Variants in FRAS1 observed in about 807,000 individuals in gnomAD.
The protein encoded by FRAS1 is extracellular matrix organizing protein FRAS1.
Under a neutral mutation model 435.2 loss-of-function variants are expected in FRAS1, and 290 were observed. The observed-to-expected ratio is 0.67, with a 90% confidence interval of 0.61 to 0.73. The LOEUF (loss-of-function observed/expected upper bound fraction) is 0.73. Ranked by LOEUF, FRAS1 falls within the 30% of genes least tolerant of loss-of-function variation. FRAS1 has a pLI of 0.00. For synonymous variants in FRAS1, 1,800 were observed against 1,851.0 expected, an observed-to-expected ratio of 0.97 and a Z score of 0.71; for missense variants, 4,860 against 5,001.5, an observed-to-expected ratio of 0.97 and a Z score of 0.85.
At chr4:78,460,556 A>G (rs1012263232) in intron 47 of FRAS1, among the ~76,000 whole-genome samples, 1 of 152,232 alleles carries the variant, frequency 6.6e-6, no homozygotes, top group African/African-American at 2.4e-5. Context: ...AAATATAGTC[A>G]TGTATTGCGT....
intron 2 of FRAS1, among the ~76,000 whole-genome samples, chr4:78,075,836 T>G (rs1400110536): frequency 6.6e-6 from 1 of 152,160 alleles, no homozygotes; most frequent in Non-Finnish European, 1.5e-5. Flanking sequence ...GAAAGGCTCT[T>G]AGGATATAGG....
At chr4:78,507,311 A>G in intron 61 of FRAS1, 110 bp from the exon 62 acceptor site, 1 of 986,314 alleles carries the variant, frequency 1.0e-6, no homozygotes, top group Non-Finnish European at 1.4e-6. Context: ...AACACCACTA[A>G]AAAGAAAGAA....
chr4:78,476,999 A>C (rs546533962), intron 54 of FRAS1, among the ~76,000 whole-genome samples: 6 of 152,024 alleles, frequency 3.9e-5, no homozygotes, highest in South Asian at 2.1e-4. Context: ...TAAAAAAAAA[A>C]AAAAACAAAG....
chr4:78,386,870 A>T (rs1159364588), intron 28 of FRAS1, among the ~76,000 whole-genome samples: 1 of 152,184 alleles, frequency 6.6e-6, no homozygotes, highest in East Asian at 1.9e-4. Context: ...CACACTTTAT[A>T]ACCTGAGTTG....
At chr4:78,376,519 AATTT>A (rs1481272585) in intron 26 of FRAS1, among the ~76,000 whole-genome samples, 1 of 152,188 alleles carries the variant, frequency 6.6e-6, no homozygotes, top group African/African-American at 2.4e-5. Context: ...ATTTACATAT[AATTT>A]ATTTATATTT....
At chr4:78,517,811 G>T (rs906435728) in intron 66 of FRAS1, among the ~76,000 whole-genome samples, 7 of 152,120 alleles carry the variant, frequency 4.6e-5, no homozygotes, top group African/African-American at 1.4e-4. Flanking sequence ...AAAAACAAAT[G>T]AGGAAAAATT....
chr4:78,537,923 G>C (rs1000769407), intron 72 of FRAS1, among the ~76,000 whole-genome samples: 1 of 148,470 alleles, frequency 6.7e-6, no homozygotes, highest in African/African-American at 2.5e-5. Context: ...TCCAGCCTGG[G>C]CAACAGAGCA....
intron 22 of FRAS1, among the ~76,000 whole-genome samples, chr4:78,368,970 T>C (rs1243411966): frequency 1.3e-5 from 2 of 152,172 alleles, no homozygotes; most frequent in African/African-American, 4.8e-5. Context: ...CTGAGCTGTA[T>C]GAATTTTAAA....
intron 34 of FRAS1, 38 bp downstream of exon 34, chr4:78,422,038 T>C: frequency 6.4e-7 from 1 of 1,571,676 alleles, no homozygotes; most frequent in Non-Finnish European, 8.6e-7. Flanking sequence ...ACCCAACTGC[T>C]CTCTGTGGCT....
chr4:78,378,668 C>G (rs1439661739), intron 26 of FRAS1, among the ~76,000 whole-genome samples: 1 of 152,094 alleles, frequency 6.6e-6, no homozygotes, highest in East Asian at 1.9e-4. Flanking sequence ...TTTTGTGTAT[C>G]TTCTTTGAAG....
intron 61 of FRAS1, 94 bp from the exon 62 acceptor site, chr4:78,507,327 T>G: frequency 9.3e-7 from 1 of 1,077,412 alleles, no homozygotes; most frequent in Admixed American, 3.1e-5. Flanking sequence ...AAGAACATAT[T>G]TTAACATAAT....
At chr4:78,363,688 A>T (rs1324818442) in intron 21 of FRAS1, 23 bp downstream of exon 21, 1 of 1,563,682 alleles carries the variant, frequency 6.4e-7, no homozygotes, top group South Asian at 1.2e-5. Flanking sequence ...TGGACTCAGG[A>T]GCTGGAGCTG....
chr4:78,477,876 T>G lies in FRAS1; in HGVS notation c.7913T>G (p.Val2638Gly), dbSNP rs754435894. Residue 2638 changes from valine to glycine, a missense_variant, in exon 55 of 74, where the codon GTG (valine) becomes GGG (glycine). Transcript: ENST00000512123. ...SCTIVINDDD[V>G]FENVESFTVE... is the part of the protein sequence containing the mutation. ...ACCATTGTCATCAACGATGATGACG[T>G]GTTTGAAAATGTTGAGAGTTTCACT... is the stretch of plus-strand genomic sequence containing the variant. The G allele has an allele frequency of 6.2e-7, 1 of 1,613,548 alleles. No individual in the cohort carries two copies. The highest frequency in any genetic ancestry group is 2.2e-5 in the East Asian group (1 of 44,822).
At chr4:78,517,612 C>T (rs1398634871) in intron 66 of FRAS1, among the ~76,000 whole-genome samples, 2 of 152,210 alleles carry the variant, frequency 1.3e-5, no homozygotes, top group African/African-American at 4.8e-5. Context: ...CTTTTGCTGT[C>T]AATCAACAGG....
intron 69 of FRAS1, among the ~76,000 whole-genome samples, chr4:78,525,048 C>T (rs1003334286): frequency 3.3e-5 from 5 of 152,080 alleles, no homozygotes; most frequent in South Asian, 2.1e-4. Context: ...GCCCATATGG[C>T]TGGCATGGAG....
intron 3 of FRAS1, among the ~76,000 whole-genome samples, chr4:78,243,274 C>T (rs896741786): frequency 6.6e-6 from 1 of 151,948 alleles, no homozygotes; most frequent in African/African-American, 2.4e-5. Flanking sequence ...TGGAGGAGTA[C>T]CCCACTATTG....
At chr4:78,466,723 T>C (rs1719542852) in intron 50 of FRAS1, among the ~76,000 whole-genome samples, 1 of 152,206 alleles carries the variant, frequency 6.6e-6, no homozygotes, top group Admixed American at 6.5e-5. Flanking sequence ...GTTGTTAGTA[T>C]TACTGTTATT....
chr4:78,369,791 A>G, intron 22 of FRAS1, 47 bp from the exon 23 acceptor site: 1 of 1,564,956 alleles, frequency 6.4e-7, no homozygotes, highest in South Asian at 1.2e-5. Context: ...GTGCTTCAGT[A>G]TTTGCAATTG....
intron 2 of FRAS1, among the ~76,000 whole-genome samples, chr4:78,151,360 C>A (rs1385957829): frequency 7.1e-6 from 1 of 141,412 alleles, no homozygotes; most frequent in Non-Finnish European, 1.5e-5. Context: ...ATGTGCCAGT[C>A]ATGGTTCTTG....
Sources: allele counts gnomAD v4.1 joint callset (sites outside exome capture counted in the v4.1 genomes callset), GRCh38; gene constraint gnomAD v4.1.1; transcripts MANE v1.5; gene names NCBI Gene and HGNC (gene_info 2026-07-23, HGNC 2026-07-21).